Variants in ABL1 observed in about 807,000 individuals in gnomAD.
The protein encoded by ABL1 is ABL proto-oncogene 1, non-receptor tyrosine kinase, also known as tyrosine-protein kinase ABL1.
In ABL1, 11 loss-of-function variants were observed where a neutral mutation model predicts 94.7. That is an observed-to-expected ratio of 0.12 (90% CI 0.07 to 0.19). The LOEUF (loss-of-function observed/expected upper bound fraction) is 0.19, where lower values mean the gene tolerates loss of function less well. Among genes scored for constraint, ABL1 ranks in the 10% least tolerant of loss-of-function variants. The probability of loss-of-function intolerance (pLI) is 1.00; values close to 1 mark genes in which losing one functional copy is unlikely to be tolerated. For missense variants in ABL1, 1,082 were observed against 1,489.4 expected, an observed-to-expected ratio of 0.73 and a Z score of 4.50; for synonymous variants, 656 against 622.4, an observed-to-expected ratio of 1.05 and a Z score of -0.80.
intron 1 of ABL1, among the ~76,000 whole-genome samples, chr9:130,763,416 T>TA (rs1832142177): frequency 6.6e-6 from 1 of 152,178 alleles, no homozygotes; most frequent in Non-Finnish European, 1.5e-5. Context: ...GGTTGGGCTA[T>TA]AATATTAAAA....
intron 1 of ABL1, among the ~76,000 whole-genome samples, chr9:130,808,893 A>T (rs1274315659): frequency 6.6e-6 from 1 of 152,222 alleles, no homozygotes; most frequent in East Asian, 1.9e-4. Context: ...AAATATGTCA[A>T]ACTCTGAAGT....
intron 1 of ABL1, among the ~76,000 whole-genome samples, chr9:130,800,104 C>T (rs1230556651): frequency 6.6e-6 from 1 of 152,030 alleles, no homozygotes; most frequent in Non-Finnish European, 1.5e-5. Flanking sequence ...GAACTCCTGA[C>T]CTCGTGATCC....
At chr9:130,878,328 G>A (rs1216733759) in intron 7 of ABL1, 87 bp from the exon 8 acceptor site, 2 of 1,497,394 alleles carry the variant, frequency 1.3e-6, no homozygotes, top group Middle Eastern at 1.7e-4. Flanking sequence ...CCCTTCTGAG[G>A]TCTGCTGCAA....
In ABL1 at chr9:130,877,096, A is replaced by T. The variant is rs760194018; in HGVS notation, c.1271-1319A>T. Among the ~76,000 whole-genome samples the T allele has an allele frequency of 1.6e-4, 24 of 147,934 alleles. 2 individuals carry two copies. Among genetic ancestry groups the T allele is most frequent in the Non-Finnish European group, 2.8e-4 (19 of 67,238 alleles). ...GAACTCTCAGATTTATATATATCTG[A>T]TGTGTTTCAGTCCACTGCGGTTATT... On this transcript the variant is annotated intron_variant, in intron 7 of 10. Coordinates refer to ENST00000318560, the MANE Select transcript of ABL1 (RefSeq NM_005157.6).
chr9:130,719,152 CTT>C (rs1421882203), intron 1 of ABL1, among the ~76,000 whole-genome samples: 1 of 152,114 alleles, frequency 6.6e-6, no homozygotes, highest in Non-Finnish European at 1.5e-5. Context: ...TCGGAGAAAA[CTT>C]TCTCTTTTTG....
chr9:130,728,897 A>G (rs1464509845), intron 1 of ABL1, among the ~76,000 whole-genome samples: 1 of 152,082 alleles, frequency 6.6e-6, no homozygotes, highest in African/African-American at 2.4e-5. Context: ...TTTGCATGTT[A>G]AATAATTTTG....
intron 4 of ABL1, among the ~76,000 whole-genome samples, chr9:130,866,609 A>G (rs2132980690): frequency 6.6e-6 from 1 of 152,310 alleles, no homozygotes; most frequent in South Asian, 2.1e-4. Flanking sequence ...TGAACAAGTC[A>G]AGCAACCTTG....
At chr9:130,858,022 T>G (rs1466936738) in intron 3 of ABL1, among the ~76,000 whole-genome samples, 1 of 151,614 alleles carries the variant, frequency 6.6e-6, no homozygotes. Context: ...CCATGGGGGG[T>G]GATTTTCTGG....
At chr9:130,769,107 G>A (rs1285383886) in intron 1 of ABL1, among the ~76,000 whole-genome samples, 1 of 152,110 alleles carries the variant, frequency 6.6e-6, no homozygotes, top group Non-Finnish European at 1.5e-5. Flanking sequence ...CATTGGCACA[G>A]AAAATTAAGC....
At chr9:130,831,040 C>T (rs1444533722), upstream of ABL1, among the ~76,000 whole-genome samples, 1 of 152,222 alleles carries the variant, frequency 6.6e-6, no homozygotes, top group Non-Finnish European at 1.5e-5. Context: ...GTTGGACATA[C>T]ACTGGACCCA....
In ABL1 at chr9:130,806,275, A is replaced by G. The variant is rs531218166; in HGVS notation, c.137-47789A>G. On this transcript the variant is annotated intron_variant, in intron 1 of 10. Transcript: ENST00000372348. Reference sequence around the variant, plus strand: ...ACAGATATACAAACATGGATCAGATATAATTTCAACCCACAAGGAGCTCAC... The same window carrying G: ...ACAGATATACAAACATGGATCAGATGTAATTTCAACCCACAAGGAGCTCAC... Among the ~76,000 whole-genome samples the G allele has an allele frequency of 5.3e-5, 8 of 152,332 alleles. No homozygotes were observed. The South Asian group carries it at 6.2e-4, about 12-fold the overall frequency.
rs1831390127 is a variant in ABL1 at position 130,878,501 on chromosome 9, G to C, written c.1357G>C (p.Glu453Gln). 1 of 1,614,230 alleles carries C rather than the reference G, an allele frequency of 6.2e-7. No individual in the cohort carries two copies. The highest frequency in any genetic ancestry group is 8.5e-7 in the Non-Finnish European group (1 of 1,180,038). Residue 453 changes from glutamate to glutamine, a missense_variant, in exon 8 of 11, where the codon GAG becomes CAG. Glu to Gln is a conservative substitution (Grantham distance 29, BLOSUM62 2). Coordinates refer to ENST00000318560, the MANE Select transcript of ABL1 (RefSeq NM_005157.6). The part of the protein sequence containing the change: ...IDLSQVYELL[E>Q]KDYRMERPEG... Reference sequence around the variant, plus strand: ...CCTGTCCCAGGTGTATGAGCTGCTAGAGAAGGACTACCGCATGGAGCGCCC... The same window carrying C: ...CCTGTCCCAGGTGTATGAGCTGCTACAGAAGGACTACCGCATGGAGCGCCC...
intron 1 of ABL1, among the ~76,000 whole-genome samples, chr9:130,818,836 G>A (rs1020900890): frequency 6.6e-6 from 1 of 152,146 alleles, no homozygotes; most frequent in African/African-American, 2.4e-5. Context: ...ATTCTGAAAG[G>A]AAAATGATAA....
At chr9:130,856,265 T>C (rs1830973868) in intron 3 of ABL1, among the ~76,000 whole-genome samples, 2 of 152,066 alleles carry the variant, frequency 1.3e-5, no homozygotes, top group South Asian at 4.2e-4. Flanking sequence ...ATTTTGTATT[T>C]TTAGTAGAGA....
chr9:130,818,650 G>T (rs1830320391), intron 1 of ABL1, among the ~76,000 whole-genome samples: 1 of 152,042 alleles, frequency 6.6e-6, no homozygotes, highest in South Asian at 2.1e-4. Context: ...ACATTAAATG[G>T]TGTATGTGGT....
At chr9:130,729,052 T>C (rs1293254609) in intron 1 of ABL1, among the ~76,000 whole-genome samples, 1 of 152,224 alleles carries the variant, frequency 6.6e-6, no homozygotes, top group Admixed American at 6.5e-5. Flanking sequence ...GTTAAGTTAG[T>C]TTGACCCTGC....
chr9:130,875,167 A>G, intron 7 of ABL1, 115 bp downstream of exon 7: 2 of 1,151,196 alleles, frequency 1.7e-6, no homozygotes, highest in Non-Finnish European at 2.4e-6. Context: ...TTTGAGACGG[A>G]GTCTCACTCT....
chr9:130,869,931 T>G (rs980572735), intron 4 of ABL1, among the ~76,000 whole-genome samples: 1 of 152,200 alleles, frequency 6.6e-6, no homozygotes, highest in Non-Finnish European at 1.5e-5. Flanking sequence ...TTCAAGTGAT[T>G]CTCCTGCCTC....
chr9:130,870,726 C>T (rs1275817790), intron 4 of ABL1, among the ~76,000 whole-genome samples: 1 of 152,168 alleles, frequency 6.6e-6, no homozygotes, highest in Non-Finnish European at 1.5e-5. Context: ...ATGGTGACTA[C>T]CAATGAGGTT....
Sources: gnomAD v4.1 joint callset for allele counts (sites outside exome capture counted in the v4.1 genomes callset) on GRCh38, gnomAD v4.1.1 for gene constraint, MANE v1.5 for transcripts, NCBI Gene and HGNC (gene_info 2026-07-23, HGNC 2026-07-21) for gene names.